Variants in FLNB observed in about 807,000 individuals in gnomAD.
FLNB encodes the protein filamin-B.
A neutral mutation model predicts 250.6 loss-of-function variants in FLNB; 111 were observed. That is an observed-to-expected ratio of 0.44 (90% CI 0.38 to 0.52). The LOEUF is 0.52. Ranked by LOEUF, FLNB falls within the 20% of genes least tolerant of loss-of-function variation. FLNB has a pLI of 0.00. For missense variants in FLNB, 2,869 were observed against 3,447.8 expected (o/e 0.83, Z 4.20); for synonymous variants, 1,302 against 1,372.1 (o/e 0.95, Z 1.13).
chr3:58,099,794 G>T (rs1339270501), intron 8 of FLNB, among the ~76,000 whole-genome samples: 1 of 152,152 alleles, frequency 6.6e-6, no homozygotes, highest in South Asian at 2.1e-4. Context: ...GTGAATGTTA[G>T]CTGGGCCCGT....
Position 58,126,705 on chromosome 3 carries a change from C to G in FLNB, c.4165C>G (p.Pro1389Ala), listed in dbSNP as rs1214485010. Residue 1389 changes from proline (P) to alanine (A), a missense_variant, in exon 24 of 46, where the codon CCT becomes GCT. Pro to Ala is a conservative substitution (Grantham distance 27). This residue lies in a region of FLNB where 1,348 missense variants were observed against 1,466.7 expected (regional missense o/e 0.92). Coordinates refer to ENST00000295956, the MANE Select transcript of FLNB (RefSeq NM_001457.4). ...TGGCAGCTGCAGTGCTGAGTACATT[C>G]CTTTCGCACCGGGGGATTACGATGT... ...KDGSCSAEYI[P>A]FAPGDYDVNI... The G allele has an allele frequency of 1.2e-6, 2 of 1,613,874 alleles. No homozygotes were observed. The highest frequency in any genetic ancestry group is 1.7e-5 in the Admixed American group (1 of 59,992).
chr3:58,106,081 T>A (rs536169632), intron 11 of FLNB, among the ~76,000 whole-genome samples: 2 of 152,296 alleles, frequency 1.3e-5, no homozygotes, highest in Admixed American at 1.3e-4. Flanking sequence ...GGGTATGCCT[T>A]CATTTTCCAT....
chr3:58,074,070 G>A (rs996435130), intron 1 of FLNB, among the ~76,000 whole-genome samples: 3 of 152,302 alleles, frequency 2.0e-5, no homozygotes, highest in East Asian at 3.9e-4. Context: ...AAAGGCACAG[G>A]TTTTCCCCAC....
chr3:58,064,127 T>C (rs1430377913), intron 1 of FLNB, among the ~76,000 whole-genome samples: 1 of 152,190 alleles, frequency 6.6e-6, no homozygotes, highest in African/African-American at 2.4e-5. Flanking sequence ...GGGAGCTCAG[T>C]AGGCAGTTAG....
Position 58,124,513 on chromosome 3 carries a change from G to T in FLNB, c.3898+8G>T, listed in dbSNP as rs751235059. 6.2e-7 allele frequency: 1 copy of T among 1,613,952 alleles called. No individual in the cohort carries two copies. The highest frequency in any genetic ancestry group is 8.5e-7 in the Non-Finnish European group (1 of 1,179,930). ...ACACACCCTTTGAGAAAGGTGAGCCGCCCTGTCCTCGGACTGGACCCTCGT... is the reference window on the plus strand; with the variant it reads ...ACACACCCTTTGAGAAAGGTGAGCCTCCCTGTCCTCGGACTGGACCCTCGT... On this transcript the variant is annotated splice_region_variant and intron_variant, in intron 22 of 45. Coordinates refer to ENST00000295956, the MANE Select transcript of FLNB (RefSeq NM_001457.4).
Position 58,148,710 on chromosome 3 carries a change from C to A in FLNB, c.5949C>A (p.Asn1983Lys). Reference sequence around the variant, plus strand: ...TGGTCAGCATCAAGAAAAATGGCAACCATGTGGCCAACAGCCCCGTGTCTA... The same window carrying A: ...TGGTCAGCATCAAGAAAAATGGCAAACATGTGGCCAACAGCCCCGTGTCTA... Reference protein sequence around the residue: ...EHLVSIKKNGNHVANSPVSIM... With the variant: ...EHLVSIKKNGKHVANSPVSIM... Residue 1983 changes from asparagine (N) to lysine (K), a missense_variant, in exon 36 of 46, where the codon AAC (asparagine) becomes AAA (lysine). This residue lies in a region of FLNB where 1,084 missense variants were observed against 1,315.5 expected (regional missense o/e 0.82). Transcript: ENST00000295956. 1 of 1,614,098 alleles carries A rather than the reference C, an allele frequency of 6.2e-7. No homozygotes were observed. Among genetic ancestry groups the A allele is most frequent in the South Asian group, 1.1e-5 (1 of 91,072 alleles).
chr3:58,162,257 G>A (rs567766308), intron 42 of FLNB, among the ~76,000 whole-genome samples: 45 of 152,256 alleles, frequency 3.0e-4, no homozygotes, highest in African/African-American at 5.5e-4. Context: ...GGGAGAGACC[G>A]AGAGACTACC....
intron 38 of FLNB, chr3:58,151,235 T>C (rs2097344290): frequency 6.6e-6 from 1 of 151,468 alleles, no homozygotes; most frequent in Non-Finnish European, 1.5e-5. Context: ...CTTCTAAAAA[T>C]ACAAAAATAA....
At chr3:58,128,135 C>A (rs1392837769) in intron 24 of FLNB, among the ~76,000 whole-genome samples, 1 of 152,166 alleles carries the variant, frequency 6.6e-6, no homozygotes, top group Non-Finnish European at 1.5e-5. Context: ...AGGGGAAGGG[C>A]AGGTTGAGGG....
chr3:58,150,552 G>T (rs1422720645), intron 38 of FLNB: 5 of 378,922 alleles, frequency 1.3e-5, no homozygotes, highest in Non-Finnish European at 2.5e-5. Flanking sequence ...TGAAAGAACT[G>T]GCCCTGCCGA....
At chr3:58,063,330 C>T (rs753768763) in intron 1 of FLNB, among the ~76,000 whole-genome samples, 8 of 152,154 alleles carry the variant, frequency 5.3e-5, no homozygotes, top group African/African-American at 4.8e-5. Flanking sequence ...GAATTCCACC[C>T]GTAAGAAGGA....
intron 42 of FLNB, 136 bp from the exon 43 acceptor site, chr3:58,163,018 T>G (rs2097364244): frequency 1.2e-6 from 1 of 846,074 alleles, no homozygotes; most frequent in Non-Finnish European, 2.0e-6. Context: ...AAATCCAGGA[T>G]GCTGAGTGCC....
intron 4 of FLNB, among the ~76,000 whole-genome samples, chr3:58,092,073 T>A (rs1044019508): frequency 6.6e-6 from 1 of 151,916 alleles, no homozygotes; most frequent in South Asian, 2.1e-4. Context: ...AACAACCCAA[T>A]AAGAAAATGG....
intron 1 of FLNB, among the ~76,000 whole-genome samples, chr3:58,066,256 C>T (rs2097185562): frequency 6.8e-6 from 1 of 147,886 alleles, no homozygotes. Context: ...CTCTTGTTGC[C>T]CAGTGGCAAC....
chr3:58,012,554 GT>G (rs2097100553), intron 1 of FLNB, among the ~76,000 whole-genome samples: 1 of 152,132 alleles, frequency 6.6e-6, no homozygotes, highest in Admixed American at 6.6e-5. Flanking sequence ...AGGTGTTAGG[GT>G]GGTGGCTGGA....
chr3:58,126,812 A>G (rs1559713858), intron 24 of FLNB, 50 bp downstream of exon 24: 4 of 1,570,510 alleles, frequency 2.5e-6, no homozygotes, highest in Non-Finnish European at 2.6e-6. Context: ...TTTTGCAGGA[A>G]AATGGGTTTG....
chr3:58,070,049 CTTT>C (rs10639474), intron 1 of FLNB, among the ~76,000 whole-genome samples: 2 of 134,980 alleles, frequency 1.5e-5, no homozygotes, highest in Non-Finnish European at 3.2e-5. Flanking sequence ...CTCTTTCTTT[CTTT>C]TTTTTTTTTT....
At chr3:58,112,433 C>G (rs1308763532) in intron 18 of FLNB, 115 bp downstream of exon 18, 21 of 1,078,614 alleles carry the variant, frequency 1.9e-5, no homozygotes, top group Non-Finnish European at 2.8e-5. Flanking sequence ...CCAAAGTGCT[C>G]CCTGATGGGA....
At chr3:58,154,704 C>T in intron 39 of FLNB, 87 bp from the exon 40 acceptor site, 1 of 1,425,566 alleles carries the variant, frequency 7.0e-7, no homozygotes, top group Non-Finnish European at 9.9e-7. Flanking sequence ...ACAGACGAAA[C>T]CTAGCACTGC....
Sources: gnomAD v4.1 joint callset for allele counts (sites outside exome capture counted in the v4.1 genomes callset) on GRCh38, gnomAD v4.1.1 for gene constraint, gnomAD v4.1.1 regional missense constraint, MANE v1.5 for transcripts, NCBI Gene and HGNC (gene_info 2026-07-23, HGNC 2026-07-21) for gene names.